PRKCQ: variants seen among roughly 807,000 people sequenced by gnomAD.
PRKCQ encodes the protein protein kinase C theta type.
PRKCQ carries 41 observed loss-of-function variants against 91.2 expected under a neutral mutation model. The observed-to-expected ratio is 0.45, with a 90% CI of 0.35 to 0.58. The LOEUF (loss-of-function observed/expected upper bound fraction) is 0.58, where lower values mean the gene tolerates loss of function less well. PRKCQ is among the 20% of genes least tolerant of loss of function. The pLI, the probability that PRKCQ is intolerant of heterozygous loss-of-function variation, is 0.00. For missense variants in PRKCQ, 673 were observed against 896.5 expected, an observed-to-expected ratio of 0.75 and a Z score of 3.18; for synonymous variants, 307 against 316.9, an observed-to-expected ratio of 0.97 and a Z score of 0.33.
intron 1 of PRKCQ, among the ~76,000 whole-genome samples, chr10:6,560,805 C>T (rs985972114): frequency 1.3e-5 from 2 of 152,010 alleles, no homozygotes; most frequent in African/African-American, 2.4e-5. Flanking sequence ...TTTGGGAGGC[C>T]GAGGCGGGTG....
At chr10:6,498,311 A>G (rs2130821948) in intron 5 of PRKCQ, 85 bp downstream of exon 5, 1 of 1,503,356 alleles carries the variant, frequency 6.7e-7, no homozygotes, top group Non-Finnish European at 9.2e-7. Context: ...CACCCCCCAC[A>G]GTGGAGCATG....
chr10:6,580,305 T>C (rs1841430731), upstream of PRKCQ: 1 of 146,888 alleles, frequency 6.8e-6, no homozygotes, highest in Non-Finnish European at 1.5e-5. Flanking sequence ...CTGGCGGGGC[T>C]GGCGGGGCTG....
At chr10:6,515,175 G>T in intron 1 of PRKCQ, 31 bp from the exon 2 acceptor site, 1 of 1,610,516 alleles carries the variant, frequency 6.2e-7, no homozygotes. Context: ...AACGCTGTTT[G>T]GGGGCTATAA....
intron 17 of PRKCQ, among the ~76,000 whole-genome samples, chr10:6,429,503 G>A (rs572868275): frequency 2.8e-4 from 43 of 151,940 alleles, no homozygotes; most frequent in African/African-American, 1.0e-3. Context: ...CTGGCCATTC[G>A]CTATCATGAC....
At chr10:6,404,179 C>T in the PRKCQ span, among the ~76,000 whole-genome samples, 2 of 140,516 alleles carry the variant, frequency 1.4e-5, no homozygotes, top group African/African-American at 5.3e-5. Flanking sequence ...GGGCAAAAAT[C>T]CTTTAATGGC....
intron 1 of PRKCQ, among the ~76,000 whole-genome samples, chr10:6,535,596 C>G (rs1839552909): frequency 6.6e-6 from 1 of 152,068 alleles, no homozygotes; most frequent in South Asian, 2.1e-4. Flanking sequence ...CAAGGAATTC[C>G]CCAAAACCAA....
the PRKCQ span, among the ~76,000 whole-genome samples, chr10:6,406,543 T>C: frequency 6.6e-6 from 1 of 152,242 alleles, no homozygotes; most frequent in Non-Finnish European, 1.5e-5. Context: ...TTTATTTTAA[T>C]GTTTCAATAA....
chr10:6,535,404 G>C (rs12249263), intron 1 of PRKCQ, among the ~76,000 whole-genome samples: 34,644 of 152,054 alleles, frequency 0.23, 4,094 homozygotes, highest in Middle Eastern at 0.35. Context: ...TTGTTTAGGT[G>C]AGGGAATATA....
intron 7 of PRKCQ, among the ~76,000 whole-genome samples, chr10:6,494,728 A>C (rs137881122): frequency 3.3e-5 from 5 of 152,330 alleles, no homozygotes; most frequent in African/African-American, 9.6e-5. Flanking sequence ...CTTTGTAGTC[A>C]GTCCTGAACT....
chr10:6,434,752 T>C (rs1833615785), intron 16 of PRKCQ, among the ~76,000 whole-genome samples: 1 of 152,236 alleles, frequency 6.6e-6, no homozygotes, highest in South Asian at 2.1e-4. Context: ...CCAGCAGTAG[T>C]GCTGACAGAT....
intron 1 of PRKCQ, among the ~76,000 whole-genome samples, chr10:6,536,437 T>C (rs559072804): frequency 1.3e-5 from 2 of 152,316 alleles, no homozygotes; most frequent in African/African-American, 2.4e-5. Flanking sequence ...GGGAGCCCTA[T>C]GACAGCAGCA....
chr10:6,420,108 C>T, the PRKCQ span, among the ~76,000 whole-genome samples: 1 of 152,174 alleles, frequency 6.6e-6, no homozygotes, highest in Admixed American at 6.6e-5. Flanking sequence ...CCTGCCTCAG[C>T]CTCCTGAGTA....
chr10:6,452,673 T>C (rs1354883288), intron 15 of PRKCQ, among the ~76,000 whole-genome samples: 2 of 149,486 alleles, frequency 1.3e-5, no homozygotes, highest in Non-Finnish European at 3.0e-5. Context: ...CTTCAAACTA[T>C]ACTACAAGGC....
In PRKCQ at chr10:6,511,130, A is replaced by G; in HGVS notation, c.183T>C (p.Asp61=). Residue 61 remains aspartate, a synonymous_variant, in exon 3 of 18, where the codon GAT becomes GAC. Coordinates refer to ENST00000263125, the MANE Select transcript of PRKCQ (RefSeq NM_006257.5). ...TGACTCTTCCCTTGTTGATATGGGCATCAAAAGTGCTGTCCCAGGGTGGGT... is the reference window on the plus strand; with the variant it reads ...TGACTCTTCCCTTGTTGATATGGGCGTCAAAAGTGCTGTCCCAGGGTGGGT... ...TMYPPWDSTF[D]AHINKGRVMQ... 1 of 1,614,134 alleles carries G rather than the reference A, an allele frequency of 6.2e-7. No individual in the cohort carries two copies. The highest frequency in any genetic ancestry group is 8.5e-7 in the Non-Finnish European group (1 of 1,180,036).
At chr10:6,452,144 T>C (rs1382706823) in intron 15 of PRKCQ, among the ~76,000 whole-genome samples, 1 of 152,184 alleles carries the variant, frequency 6.6e-6, no homozygotes, top group Non-Finnish European at 1.5e-5. Context: ...ATTGTCCTGT[T>C]TGCAGATGAC....
intron 15 of PRKCQ, among the ~76,000 whole-genome samples, chr10:6,444,231 C>T (rs1290243083): frequency 1.3e-5 from 2 of 152,044 alleles, no homozygotes; most frequent in East Asian, 1.9e-4. Flanking sequence ...CCACCATGCC[C>T]AGATAATTTT....
chr10:6,521,941 ATTTAT>A (rs1431705135), intron 1 of PRKCQ, among the ~76,000 whole-genome samples: 59 of 151,516 alleles, frequency 3.9e-4, no homozygotes, highest in Middle Eastern at 3.4e-3. Context: ...TTATTTATTT[ATTTAT>A]TTATTTATTT....
Position 6,483,430 on chromosome 10 carries a change from A to G in PRKCQ, c.1179+10T>C, listed in dbSNP as rs1836723632. The G allele has an allele frequency of 1.2e-6, 2 of 1,614,198 alleles. No individual in the cohort carries two copies. Among genetic ancestry groups the G allele is most frequent in the Non-Finnish European group, 1.7e-6 (2 of 1,180,024 alleles). On this transcript the variant is annotated intron_variant, in intron 11 of 17. Coordinates refer to ENST00000263125, the MANE Select transcript of PRKCQ (RefSeq NM_006257.5). ...GTTGGGCCATAGCATTCTCCCGTGC[A>G]TTAGCTTACCTTGCCAAAACTTCCT... is the stretch of plus-strand genomic sequence containing the variant.
intron 15 of PRKCQ, among the ~76,000 whole-genome samples, chr10:6,448,576 T>C (rs1834457597): frequency 6.6e-6 from 1 of 152,042 alleles, no homozygotes; most frequent in Non-Finnish European, 1.5e-5. Context: ...ACCCAGCTAA[T>C]TTTTTATATT....
Sources: allele counts gnomAD v4.1 joint callset (sites outside exome capture counted in the v4.1 genomes callset), GRCh38; gene constraint gnomAD v4.1.1; transcripts MANE v1.5; gene names NCBI Gene and HGNC (gene_info 2026-07-23, HGNC 2026-07-21).